Variants in THEMIS observed in about 807,000 individuals in gnomAD.
THEMIS encodes the protein thymocyte selection associated, also known as protein THEMIS.
THEMIS carries 37 observed loss-of-function variants against 52.6 expected under a neutral mutation model. That is an observed-to-expected ratio of 0.70 (90% CI 0.54 to 0.93). The LOEUF is 0.93. THEMIS is among the 40% of genes least tolerant of loss of function. The probability of loss-of-function intolerance (pLI) is 0.00; values close to 1 mark genes in which losing one functional copy is unlikely to be tolerated. For missense variants in THEMIS, 808 were observed against 763.1 expected (o/e 1.06, Z -0.69); for synonymous variants, 292 against 272.7 (o/e 1.07, Z -0.70).
chr6:127,899,451 A>T (rs1223449576), intron 1 of THEMIS, among the ~76,000 whole-genome samples: 2 of 151,842 alleles, frequency 1.3e-5, no homozygotes, highest in African/African-American at 4.8e-5. Flanking sequence ...ACAGACTGAT[A>T]CAGAGGTGAA....
At chr6:127,735,447 A>G (rs1217733190) in intron 4 of THEMIS, among the ~76,000 whole-genome samples, 1 of 152,148 alleles carries the variant, frequency 6.6e-6, no homozygotes, top group African/African-American at 2.4e-5. Context: ...GTGAAAAGAG[A>G]ATCCATAGTT....
rs1346194903 is a variant in THEMIS, at chr6:127,886,426, A to T, written c.91+14416T>A. Among the ~76,000 whole-genome samples the T allele has an allele frequency of 2.0e-5, 3 of 152,194 alleles. No homozygotes were observed. In the East Asian group the frequency reaches 5.8e-4, roughly 29 times the overall value. On this transcript the variant is annotated intron_variant, in intron 1 of 5. Transcript: ENST00000368248. ...AACCCTCATATATTCCAAAGAAAGA[A>T]TTAGCTCTTGACAGTCCTTGAAGCA...
intron 1 of THEMIS, among the ~76,000 whole-genome samples, chr6:127,897,967 A>G (rs554574221): frequency 3.6e-4 from 54 of 151,868 alleles, no homozygotes; most frequent in Non-Finnish European, 5.6e-4. Context: ...CTATATATAA[A>G]ACAGCATGGA....
chr6:127,880,449 G>T (rs552158487), intron 1 of THEMIS, among the ~76,000 whole-genome samples: 5 of 151,760 alleles, frequency 3.3e-5, no homozygotes, highest in East Asian at 1.9e-4. Context: ...TAAAAATCAG[G>T]GTGGTTTCTG....
At chr6:127,868,538 T>C in intron 1 of THEMIS, 2 of 907,736 alleles carry the variant, frequency 2.2e-6, no homozygotes, top group Non-Finnish European at 2.6e-6. Context: ...CATATTGAAT[T>C]TCTCATTGCT....
At chr6:127,833,393 C>G (rs1778765721) in intron 2 of THEMIS, among the ~76,000 whole-genome samples, 1 of 152,096 alleles carries the variant, frequency 6.6e-6, no homozygotes, top group African/African-American at 2.4e-5. Context: ...TTACAATAAT[C>G]TTTTGAGGAC....
intron 1 of THEMIS, among the ~76,000 whole-genome samples, chr6:127,912,286 T>A (rs542769951): frequency 6.6e-6 from 1 of 152,296 alleles, no homozygotes; most frequent in African/African-American, 2.4e-5. Context: ...CCATAGTACC[T>A]AGGAAGTAAC....
rs906725044 is a variant in THEMIS at position 127,868,424 on chromosome 6, G to A, written c.92-13236C>T. The A allele has an allele frequency of 1.5e-5, 15 of 985,140 alleles. No homozygotes were observed. In the African/African-American group the frequency reaches 2.3e-4, roughly 15 times the overall value. 61.0% of individuals were successfully genotyped at this position (985,140 alleles called of 1,614,324 possible). Reference sequence around the variant, plus strand: ...CTGAGGAAAAGAAAAAAGGAATGGAGAAGATGGACTTAGATTGGGGATAAA... The same window carrying A: ...CTGAGGAAAAGAAAAAAGGAATGGAAAAGATGGACTTAGATTGGGGATAAA... On this transcript the variant is annotated intron_variant, in intron 1 of 5. Coordinates refer to ENST00000368248, the MANE Select transcript of THEMIS (RefSeq NM_001010923.3).
At chr6:127,866,949 T>TTTAATTTATTTA (rs1554240958) in intron 1 of THEMIS, among the ~76,000 whole-genome samples, 1 of 145,698 alleles carries the variant, frequency 6.9e-6, no homozygotes, top group Non-Finnish European at 1.5e-5. Context: ...TTTATTTTTA[T>TTTAATTTATTTA]TTTATTTATT....
At chr6:127,726,613 T>C (rs938101293) in intron 4 of THEMIS, among the ~76,000 whole-genome samples, 1 of 152,164 alleles carries the variant, frequency 6.6e-6, no homozygotes, top group East Asian at 1.9e-4. Flanking sequence ...TTTTCCCTGA[T>C]GAAAACTGGG....
chr6:127,847,010 T>C, intron 2 of THEMIS, among the ~76,000 whole-genome samples: 1 of 151,980 alleles, frequency 6.6e-6, no homozygotes, highest in East Asian at 1.9e-4. Context: ...ATACATCACA[T>C]AAACAGAATT....
chr6:127,833,359 CT>C (rs1297631681), intron 2 of THEMIS, among the ~76,000 whole-genome samples: 3 of 152,142 alleles, frequency 2.0e-5, no homozygotes, highest in African/African-American at 7.2e-5. Flanking sequence ...AGTTTGAAAA[CT>C]TTTTCATATG....
intron 5 of THEMIS, among the ~76,000 whole-genome samples, chr6:127,717,780 G>A (rs1210588782): frequency 6.6e-6 from 1 of 150,682 alleles, no homozygotes; most frequent in Non-Finnish European, 1.5e-5. Context: ...TCCTGAAAGA[G>A]CAACATTAGA....
intron 4 of THEMIS, among the ~76,000 whole-genome samples, chr6:127,758,837 C>T (rs568147232): frequency 2.6e-5 from 4 of 152,160 alleles, no homozygotes; most frequent in African/African-American, 9.6e-5. Context: ...GGGCAAGTAA[C>T]ACAATCAGAA....
At chr6:127,839,268 T>C (rs1412093628) in intron 2 of THEMIS, among the ~76,000 whole-genome samples, 1 of 152,048 alleles carries the variant, frequency 6.6e-6, no homozygotes, top group Non-Finnish European at 1.5e-5. Flanking sequence ...ACTTTTTAAG[T>C]AAATAAATGA....
intron 3 of THEMIS, among the ~76,000 whole-genome samples, chr6:127,826,268 T>C (rs1043682921): frequency 3.3e-5 from 5 of 152,186 alleles, no homozygotes; most frequent in African/African-American, 1.2e-4. Context: ...TTCTTTTCAC[T>C]ATTTGACTTT....
At chr6:127,792,949 T>C (rs977753615) in intron 4 of THEMIS, among the ~76,000 whole-genome samples, 8 of 152,196 alleles carry the variant, frequency 5.3e-5, no homozygotes, top group Non-Finnish European at 1.2e-4. Context: ...TTTAGCTAAA[T>C]GGGGGTAGAT....
intron 4 of THEMIS, among the ~76,000 whole-genome samples, chr6:127,742,775 G>C (rs1468144236): frequency 6.6e-6 from 1 of 151,964 alleles, no homozygotes; most frequent in African/African-American, 2.4e-5. Flanking sequence ...GGGTGGGGGA[G>C]AAATAAAAAG....
intron 1 of THEMIS, among the ~76,000 whole-genome samples, chr6:127,909,517 G>A (rs1159717938): frequency 6.6e-6 from 1 of 152,142 alleles, no homozygotes; most frequent in Non-Finnish European, 1.5e-5. Flanking sequence ...CACCATGATT[G>A]TAAGTTTCCT....
Sources: allele counts gnomAD v4.1 joint callset (sites outside exome capture counted in the v4.1 genomes callset), GRCh38; gene constraint gnomAD v4.1.1; transcripts MANE v1.5; gene names NCBI Gene and HGNC (gene_info 2026-07-23, HGNC 2026-07-21).